PCNT: variants seen among roughly 807,000 people sequenced by gnomAD.
PCNT encodes pericentrin, also known as kendrin.
A neutral mutation model predicts 380.4 loss-of-function variants in PCNT; 319 were observed. The ratio of observed to expected loss-of-function variants is 0.84; its 90% CI spans 0.77 to 0.92. The LOEUF is 0.92. PCNT is among the 40% of genes least tolerant of loss of function. The pLI is 0.00. For missense variants in PCNT, 4,400 were observed against 4,255.3 expected (o/e 1.03, Z -0.95); for synonymous variants, 1,845 against 1,735.2 (o/e 1.06, Z -1.57).
intron 11 of PCNT, 78 bp downstream of exon 11, chr21:46,354,146 C>T: frequency 7.9e-7 from 1 of 1,273,510 alleles, no homozygotes; most frequent in Admixed American, 1.8e-5. Context: ...CATTATAGAG[C>T]CTGTGTTTCC....
At position 46,412,941 on chromosome 21, in the gene PCNT, G is replaced by A; in HGVS notation, c.6099G>A (p.Glu2033=). The part of the protein sequence containing the change: ...LTVCQRQLQS[E]LLLVKNEMRL... ...TCTGCCAGAGGCAGCTGCAGTCGGA[G>A]CTGCTCTTGGTGAAAAATGAAATGC... The change falls in exon 29 of 47, where the codon GAG becomes GAA. Residue 2033 remains glutamate, a synonymous_variant. Transcript: ENST00000359568. The A allele has an allele frequency of 6.2e-7, 1 of 1,611,924 alleles. No individual in the cohort carries two copies. Among genetic ancestry groups the A allele is most frequent in the South Asian group, 1.1e-5 (1 of 91,088 alleles).
chr21:46,348,377 G>A, intron 6 of PCNT: 1 of 167,476 alleles, frequency 6.0e-6, no homozygotes, highest in Non-Finnish European at 1.3e-5. Context: ...GGGGTGGATG[G>A]TCCCTGTGCA....
Position 46,326,556 on chromosome 21 carries a change from C to T in PCNT, c.234C>T (p.Thr78=). The T allele has an allele frequency of 6.2e-7, 1 of 1,614,048 alleles. No homozygotes were observed. Among genetic ancestry groups the T allele is most frequent in the Non-Finnish European group, 8.5e-7 (1 of 1,179,974 alleles). The change falls in exon 2 of 47, where the codon ACC becomes ACT. Residue 78 remains threonine, a synonymous_variant. Transcript: ENST00000359568. ...GCAAAAGCACATCATGTGACGACAC[C>T]CCTGATGGGGCAGGAGGGGCCTTTG... ...DICKSTSCDD[T]PDGAGGAFAA...
chr21:46,403,502 T>C (rs1197248613), intron 27 of PCNT, among the ~76,000 whole-genome samples: 4 of 127,438 alleles, frequency 3.1e-5, no homozygotes, highest in Non-Finnish European at 6.8e-5. Flanking sequence ...GAGAATTGTG[T>C]GTGTGGTGCC....
intron 45 of PCNT, among the ~76,000 whole-genome samples, chr21:46,444,168 A>G (rs2053688120): frequency 6.6e-6 from 1 of 152,208 alleles, no homozygotes. Flanking sequence ...CGGTGCTGCC[A>G]TCTTTAGTGA....
rs572163295 is a variant in PCNT at position 46,388,261 on chromosome 21, C to T, written c.3465-481C>T. Among the ~76,000 whole-genome samples the T allele has an allele frequency of 7.9e-5, 12 of 151,708 alleles. No individual in the cohort carries two copies. The highest frequency in any genetic ancestry group is 1.8e-4 in the Non-Finnish European group (12 of 67,952). On this transcript the variant is annotated intron_variant, in intron 17 of 46. Transcript: ENST00000359568. This position sits in a 1 kb window ranked among gnomAD's most constrained non-coding sequence, Gnocchi z 4.2. ...CAGACCGCACGTCCACGAGGCCTAGCGAGAGGCTGGGAGACACCATCCTCT... is the reference window on the plus strand; with the variant it reads ...CAGACCGCACGTCCACGAGGCCTAGTGAGAGGCTGGGAGACACCATCCTCT...
In PCNT at chr21:46,445,294, A is replaced by G. The variant is rs749839605; in HGVS notation, c.9978A>G (p.Ser3326=). Reference sequence around the variant, plus strand: ...TTTATTTATATGCAGATTCTACTTCAAAGAAATCCTGCCACCCGATGATTA... The same window carrying G: ...TTTATTTATATGCAGATTCTACTTCGAAGAAATCCTGCCACCCGATGATTA... ...RLGGVLPDST[S]KKSCHPMIKQ is the part of the protein sequence containing the mutation. The change falls in exon 47 of 47, where the codon TCA becomes TCG. Residue 3326 remains serine, a synonymous_variant. Transcript: ENST00000359568. The G allele has an allele frequency of 2.5e-6, 4 of 1,608,806 alleles. No homozygotes were observed. Among genetic ancestry groups the G allele is most frequent in the Non-Finnish European group, 3.4e-6 (4 of 1,175,094 alleles).
At chr21:46,379,849 G>A (rs914237046) in intron 15 of PCNT, among the ~76,000 whole-genome samples, 9 of 152,162 alleles carry the variant, frequency 5.9e-5, no homozygotes, top group Admixed American at 1.3e-4. Context: ...TCTGGCGGGC[G>A]GTGGACAGCC....
rs577152082 is a variant in PCNT at position 46,440,155 on chromosome 21, C to T, written c.9346C>T (p.Arg3116Trp). 39 of 1,614,126 alleles carry T rather than the reference C, an allele frequency of 2.4e-5. No homozygotes were observed. The highest frequency in any genetic ancestry group is 1.1e-4 in the South Asian group (10 of 91,080). Reference sequence around the variant, plus strand: ...TTCCCTGAGGCGCCCAGACCCCGGCCGGCTTCCACCAGCTGCCAGCGAGGA... The same window carrying T: ...TTCCCTGAGGCGCCCAGACCCCGGCTGGCTTCCACCAGCTGCCAGCGAGGA... ...QSSLRRPDPG[R>W]LPPAASEEAH... is the part of the protein sequence containing the mutation. Residue 3116 changes from arginine to tryptophan, a missense_variant, in exon 42 of 47, where the codon CGG becomes TGG. Coordinates refer to ENST00000359568, the MANE Select transcript of PCNT (RefSeq NM_006031.6).
chr21:46,404,042 T>C lies in PCNT; in HGVS notation c.5115+1559T>C, dbSNP rs7279357. ...GAATTGTGTGTGTGTGGTGCCCACG[T>C]GGCGCGTGCTCGGTGAATGAACACA... On this transcript the variant is annotated intron_variant, in intron 27 of 46. Transcript: ENST00000359568. 1.1e-4 allele frequency among the ~76,000 whole-genome samples: 12 copies of C among 107,794 alleles called. 1 individual carries two copies. The highest frequency in any genetic ancestry group is 3.5e-4 in the African/African-American group (6 of 17,024). 70.7% of individuals were successfully genotyped at this position (107,794 alleles called of 152,430 possible). A position where few individuals can be genotyped will look rare whatever the true frequency, so the allele number is the denominator to read the frequency against.
chr21:46,418,584 T>G (rs2087122306), intron 31 of PCNT, among the ~76,000 whole-genome samples: 1 of 152,240 alleles, frequency 6.6e-6, no homozygotes. Flanking sequence ...CTACAGACCT[T>G]GCTCAGATTC....
rs756392252 is a variant in PCNT, at chr21:46,445,353, G to A, written c.*26G>A. 4.5e-6 allele frequency: 7 copies of A among 1,563,160 alleles called. No homozygotes were observed. The highest frequency in any genetic ancestry group is 2.2e-5 in the East Asian group (1 of 44,686). On this transcript the variant is annotated 3_prime_UTR_variant, in exon 47 of 47. Transcript: ENST00000359568. ...ATAAAATGTCATGGCTCTTTCCTGC[G>A]ACAATTCTATTTGAGGAAAAGATTT... is the stretch of plus-strand genomic sequence containing the variant.
chr21:46,416,313 A>G lies in PCNT; in HGVS notation c.6395A>G (p.Asn2132Ser), dbSNP rs886057187. ...CCCCACATAGACACATGTGATGCCA[A>G]TACAGCCACGGGGGGTGTAACTGAT... ...ISPHIDTCDA[N>S]TATGGVTDVI... The change falls in exon 30 of 47, where the codon AAT becomes AGT. Residue 2132 changes from asparagine (N) to serine (S), a missense_variant. Physicochemically the swap from Asn to Ser is conservative, Grantham distance 46. Coordinates refer to ENST00000359568, the MANE Select transcript of PCNT (RefSeq NM_006031.6). 9.3e-6 allele frequency: 15 copies of G among 1,613,858 alleles called. No individual in the cohort carries two copies. The highest frequency in any genetic ancestry group is 1.1e-5 in the Non-Finnish European group (13 of 1,179,912).
chr21:46,413,914 C>T (rs551549814), intron 29 of PCNT, among the ~76,000 whole-genome samples: 1 of 152,298 alleles, frequency 6.6e-6, no homozygotes, highest in South Asian at 2.1e-4. Context: ...GTCCCCAGTG[C>T]CCCTAGGAAA....
intron 3 of PCNT, among the ~76,000 whole-genome samples, chr21:46,338,883 G>C (rs60455426): frequency 0.1 from 15,516 of 151,740 alleles, 2,261 homozygotes; most frequent in African/African-American, 0.33. Context: ...CAGGCTCAAG[G>C]GGTTCTCCCG....
chr21:46,397,798 CCCA>C (rs1490618932), intron 22 of PCNT, among the ~76,000 whole-genome samples: 1 of 152,182 alleles, frequency 6.6e-6, no homozygotes, highest in Non-Finnish European at 1.5e-5. Flanking sequence ...TGTCCTCCCA[CCCA>C]CCAGTCTCAG....
In PCNT at chr21:46,346,876, A is replaced by G. The variant is rs75360434; in HGVS notation, c.854A>G (p.Asn285Ser). ...TTGACGGAGCTGCGGGAGATGCTCA[A>G]CAGCCGGCGTGCCCAGGAGCTGGCC... is the stretch of plus-strand genomic sequence containing the variant. The part of the protein sequence containing the change: ...TALTELREML[N>S]SRRAQELALL... Residue 285 changes from asparagine (N) to serine (S), a missense_variant, in exon 5 of 47, where the codon AAC (asparagine) becomes AGC (serine). Asn to Ser is a conservative substitution (Grantham distance 46). Transcript: ENST00000359568. The G allele has an allele frequency of 5.0e-6, 8 of 1,607,804 alleles. No homozygotes were observed. The highest frequency in any genetic ancestry group is 4.2e-6 in the Non-Finnish European group (5 of 1,177,948).
intron 15 of PCNT, among the ~76,000 whole-genome samples, chr21:46,371,213 T>A (rs1218572287): frequency 7.8e-6 from 1 of 127,634 alleles, no homozygotes. Context: ...TTTCTTTCTT[T>A]CTTTTTTTTT....
chr21:46,368,965 C>T (rs373918531), intron 15 of PCNT, among the ~76,000 whole-genome samples: 1 of 152,212 alleles, frequency 6.6e-6, no homozygotes. Context: ...GGCTCCAAAG[C>T]GTTGGCTTAT....
Sources: allele counts gnomAD v4.1 joint callset (sites outside exome capture counted in the v4.1 genomes callset), GRCh38; gene constraint gnomAD v4.1.1; non-coding constraint Gnocchi (gnomAD v3.1); transcripts MANE v1.5; gene names NCBI Gene and HGNC (gene_info 2026-07-23, HGNC 2026-07-21).